HOOK2: variants seen among roughly 807,000 people sequenced by gnomAD.
HOOK2 encodes the protein hook microtubule tethering protein 2, also known as protein Hook homolog 2.
In HOOK2, 108 loss-of-function variants were observed where a neutral mutation model predicts 111.9. That is an observed-to-expected ratio of 0.96 (90% CI 0.83 to 1.13). The LOEUF (loss-of-function observed/expected upper bound fraction) is 1.13, where lower values mean the gene tolerates loss of function less well. HOOK2 is among the 50% of genes most tolerant of loss of function. The pLI is 0.00. For synonymous variants in HOOK2, 405 were observed against 394.3 expected (o/e 1.03, Z -0.32); for missense variants, 978 against 951.3 (o/e 1.03, Z -0.37).
chr19:12,767,712 T>G, intron 13 of HOOK2, 104 bp downstream of exon 13: 1 of 1,094,484 alleles, frequency 9.1e-7, no homozygotes, highest in Non-Finnish European at 1.3e-6. Flanking sequence ...ACCTCCAGCC[T>G]GGCCTAGCTC....
chr19:12,778,131 G>C (rs1243921660), upstream of HOOK2, among the ~76,000 whole-genome samples: 2 of 151,750 alleles, frequency 1.3e-5, no homozygotes, highest in African/African-American at 4.8e-5. Flanking sequence ...GTTATTAGCT[G>C]TACCCAGAGG....
rs2145718067 is a variant in HOOK2, at chr19:12,763,768, G to T, written c.1838C>A (p.Thr613Asn). ...AGCTGGCCGCTGCTTGGGTTCCATG[G>T]TCTGCATGACCTACAGGTTGAGGAA... is the stretch of plus-strand genomic sequence containing the variant. ...YVDKARMVMQ[T>N]MEPKQRPAAG... Residue 613 changes from threonine (T) to asparagine (N), a missense_variant, in exon 21 of 23, where the codon ACC (threonine) becomes AAC (asparagine). Thr to Asn is a moderately conservative substitution (Grantham distance 65). Around this residue, in one of 5 missense-constraint regions of HOOK2, gnomAD observed 277 missense variants for 265.8 expected, o/e 1.04. Transcript: ENST00000397668. 6.2e-7 allele frequency: 1 copy of T among 1,613,998 alleles called. No homozygotes were observed. Among genetic ancestry groups the T allele is most frequent in the East Asian group, 2.2e-5 (1 of 44,876 alleles).
At chr19:12,768,636 A>T (rs908354625) in intron 11 of HOOK2, among the ~76,000 whole-genome samples, 6 of 151,828 alleles carry the variant, frequency 4.0e-5, no homozygotes, top group East Asian at 1.9e-4. Context: ...AAAAAAATTT[A>T]AAAATTTTTA....
In HOOK2 at chr19:12,763,770, C is replaced by G. The variant is rs1237275210; in HGVS notation, c.1836G>C (p.Gln612His). The G allele has an allele frequency of 6.2e-7, 1 of 1,613,948 alleles. No individual in the cohort carries two copies. The highest frequency in any genetic ancestry group is 1.6e-4 in the Middle Eastern group (1 of 6,062). Residue 612 changes from glutamine (Q) to histidine (H), a missense_variant, in exon 21 of 23, where the codon CAG becomes CAC. Coordinates refer to ENST00000397668, the MANE Select transcript of HOOK2 (RefSeq NM_013312.3). ...CTGGCCGCTGCTTGGGTTCCATGGTCTGCATGACCTACAGGTTGAGGAAGT... is the reference window on the plus strand; with the variant it reads ...CTGGCCGCTGCTTGGGTTCCATGGTGTGCATGACCTACAGGTTGAGGAAGT... ...RYVDKARMVM[Q>H]TMEPKQRPAA...
At position 12,766,235 on chromosome 19, in the gene HOOK2, G is replaced by A. The variant is rs758488835; in HGVS notation, c.1379C>T (p.Thr460Met). The stretch of plus-strand genomic sequence containing the variant: ...GTTCTCCAGCTGAAGCCGCAGGAGC[G>A]TCTCCCTGCAGACCCGGGAGGAGAG... Reference protein sequence around the residue: ...AEILPAELRETLLRLQLENKR... With the variant: ...AEILPAELREMLLRLQLENKR... The change falls in exon 15 of 23, where the codon ACG becomes ATG. Residue 460 changes from threonine (T) to methionine (M), a missense_variant. Physicochemically the swap from Thr to Met is moderately conservative, Grantham distance 81 (BLOSUM62 -1). Around this residue, in one of 5 missense-constraint regions of HOOK2, gnomAD observed 388 missense variants for 358.3 expected, o/e 1.08. Coordinates refer to ENST00000397668, the MANE Select transcript of HOOK2 (RefSeq NM_013312.3). 5.7e-6 allele frequency: 9 copies of A among 1,578,960 alleles called. No homozygotes were observed. In the Admixed American group the frequency reaches 1.4e-4, roughly 24 times the overall value.
At chr19:12,779,829 C>A (rs1410712211), upstream of HOOK2, among the ~76,000 whole-genome samples, 1 of 152,124 alleles carries the variant, frequency 6.6e-6, no homozygotes, top group Non-Finnish European at 1.5e-5. Context: ...TTTGTAACAT[C>A]CTTGTCGGTA....
chr19:12,763,482 C>A, intron 22 of HOOK2, 46 bp downstream of exon 22: 2 of 1,613,796 alleles, frequency 1.2e-6, no homozygotes, highest in Non-Finnish European at 1.7e-6. Context: ...GACCCCCCCA[C>A]CAATATTCTA....
At chr19:12,779,228 C>G (rs955925194), upstream of HOOK2, among the ~76,000 whole-genome samples, 2 of 152,276 alleles carry the variant, frequency 1.3e-5, no homozygotes, top group South Asian at 4.1e-4. Flanking sequence ...CTGACTCAAC[C>G]CCTCCCTGTG....
chr19:12,787,531 C>T (rs566620115), intron 3 of HOOK2, among the ~76,000 whole-genome samples: 1 of 152,046 alleles, frequency 6.6e-6, no homozygotes, highest in Admixed American at 6.5e-5. Flanking sequence ...ATTCGGGAGG[C>T]TGAGGCAGAA....
upstream of HOOK2, among the ~76,000 whole-genome samples, chr19:12,776,931 G>A (rs1256700640): frequency 6.6e-6 from 1 of 151,910 alleles, no homozygotes; most frequent in African/African-American, 2.4e-5. Context: ...GCCTAGGCAG[G>A]CGGATCACGA....
chr19:12,781,044 G>A (rs1411650556), upstream of HOOK2, among the ~76,000 whole-genome samples: 2 of 130,486 alleles, frequency 1.5e-5, no homozygotes, highest in Non-Finnish European at 3.3e-5. Flanking sequence ...GGCTCACGCA[G>A]GTAATCCCAG....
chr19:12,776,498 G>GGGCAACA, upstream of HOOK2, among the ~76,000 whole-genome samples: 1 of 151,490 alleles, frequency 6.6e-6, no homozygotes, highest in Non-Finnish European at 1.5e-5. Flanking sequence ...TGGCCAACAT[G>GGGCAACA]GTGAAACCCC....
Position 12,766,250 on chromosome 19 carries a change from C to A in HOOK2, c.1374-10G>T. The stretch of plus-strand genomic sequence containing the variant: ...CCGCAGGAGCGTCTCCCTGCAGACC[C>A]GGGAGGAGAGAGCAGGGCCAGGGTC... On this transcript the variant is annotated splice_polypyrimidine_tract_variant and intron_variant, in intron 14 of 22. Transcript: ENST00000397668. The A allele has an allele frequency of 6.4e-7, 1 of 1,559,692 alleles. No individual in the cohort carries two copies. Among genetic ancestry groups the A allele is most frequent in the Non-Finnish European group, 8.6e-7 (1 of 1,158,898 alleles).
chr19:12,776,542 G>A (rs1968516708), upstream of HOOK2, among the ~76,000 whole-genome samples: 3 of 151,548 alleles, frequency 2.0e-5, no homozygotes, highest in Admixed American at 6.6e-5. Flanking sequence ...TTAGCTGGGC[G>A]TGGTGGCGCA....
At chr19:12,771,923 G>T (rs991898760) in intron 7 of HOOK2, 18 of 474,432 alleles carry the variant, frequency 3.8e-5, no homozygotes, top group Non-Finnish European at 5.2e-5. Context: ...AAAGAAAACA[G>T]GGCTGGGGTT....
At chr19:12,783,269 T>G, upstream of HOOK2, among the ~76,000 whole-genome samples, 2 of 151,124 alleles carry the variant, frequency 1.3e-5, no homozygotes, top group Non-Finnish European at 1.5e-5. Context: ...CCAGCGAGCA[T>G]CCGAGGGCCA....
At chr19:12,764,045 G>C (rs1056723223) in intron 20 of HOOK2, among the ~76,000 whole-genome samples, 1 of 152,054 alleles carries the variant, frequency 6.6e-6, no homozygotes, top group African/African-American at 2.4e-5. Flanking sequence ...GATGGAGTCT[G>C]GCTCTGTTGC....
At chr19:12,775,655 T>C, upstream of HOOK2, 1 of 416,054 alleles carries the variant, frequency 2.4e-6, no homozygotes, top group Non-Finnish European at 3.8e-6. Flanking sequence ...CGCTCTTGCC[T>C]CCAGCCCCGC....
intron 3 of HOOK2, 94 bp from the exon 4 acceptor site, chr19:12,773,138 G>T: frequency 8.1e-7 from 1 of 1,229,844 alleles, no homozygotes; most frequent in Non-Finnish European, 1.2e-6. Flanking sequence ...CTCCTTCCCT[G>T]CTCATCTCAT....
Sources: allele counts gnomAD v4.1 joint callset (sites outside exome capture counted in the v4.1 genomes callset), GRCh38; gene constraint gnomAD v4.1.1; regional missense constraint gnomAD v4.1.1; transcripts MANE v1.5; gene names NCBI Gene and HGNC (gene_info 2026-07-23, HGNC 2026-07-21).